FOXP2: variants seen among roughly 807,000 people sequenced by gnomAD.
FOXP2 encodes the protein forkhead box P2.
Under a neutral mutation model 115.8 loss-of-function variants are expected in FOXP2, and 12 were observed. That is an observed-to-expected ratio of 0.10 (90% CI 0.07 to 0.17). FOXP2 has a LOEUF of 0.17. Ranked by LOEUF, FOXP2 falls within the 10% of genes least tolerant of loss-of-function variation. The pLI is 1.00. For synonymous variants in FOXP2, 328 were observed against 297.7 expected (o/e 1.10, Z -1.05); for missense variants, 629 against 843.5 (o/e 0.75, Z 3.15).
intron 2 of FOXP2, among the ~76,000 whole-genome samples, chr7:114,313,767 A>AAAT (rs1797206116): frequency 6.6e-6 from 1 of 151,186 alleles, no homozygotes; most frequent in African/African-American, 2.4e-5. Flanking sequence ...AAAAAACAAA[A>AAAT]ATATTGTCAT....
At chr7:114,232,212 G>A (rs1349939981) in intron 1 of FOXP2, among the ~76,000 whole-genome samples, 1 of 152,024 alleles carries the variant, frequency 6.6e-6, no homozygotes, top group East Asian at 1.9e-4. Flanking sequence ...CAAAACAGAA[G>A]ATAAGTGTTG....
intron 16 of FOXP2, among the ~76,000 whole-genome samples, chr7:114,680,371 C>T (rs1808022034): frequency 1.3e-5 from 2 of 152,076 alleles, no homozygotes; most frequent in Admixed American, 6.6e-5. Context: ...TCATTATTTG[C>T]CAAATGGGTA....
At chr7:114,323,753 C>T (rs1431660567) in intron 2 of FOXP2, among the ~76,000 whole-genome samples, 2 of 151,750 alleles carry the variant, frequency 1.3e-5, no homozygotes, top group Admixed American at 1.3e-4. Context: ...AATTTTCCTC[C>T]CAGGAACAAG....
At chr7:114,616,593 T>C (rs1484239132) in intron 3 of FOXP2, among the ~76,000 whole-genome samples, 1 of 152,194 alleles carries the variant, frequency 6.6e-6, no homozygotes, top group East Asian at 1.9e-4. Context: ...ATTCATACTG[T>C]TATGGGGATT....
chr7:114,667,678 T>C (rs1807243558), intron 16 of FOXP2: 1 of 152,158 alleles, frequency 6.6e-6, no homozygotes, highest in Non-Finnish European at 1.5e-5. Context: ...GGGACCAGAC[T>C]GCTGAGTGAC....
chr7:114,458,735 T>A (rs1231273219), intron 2 of FOXP2, among the ~76,000 whole-genome samples: 1 of 151,996 alleles, frequency 6.6e-6, no homozygotes, highest in Non-Finnish European at 1.5e-5. Flanking sequence ...AAAATTCTGT[T>A]ATTTTTCCAC....
At chr7:114,335,327 G>A (rs766801097) in intron 2 of FOXP2, among the ~76,000 whole-genome samples, 37 of 151,676 alleles carry the variant, frequency 2.4e-4, no homozygotes, top group Non-Finnish European at 4.4e-4. Flanking sequence ...GGGTACTAAA[G>A]TGAATTCATA....
intron 2 of FOXP2, among the ~76,000 whole-genome samples, chr7:114,294,894 A>ACATACATG (rs1554363886): frequency 5.9e-5 from 9 of 151,378 alleles, no homozygotes; most frequent in African/African-American, 2.0e-4. Flanking sequence ...ATACATACAT[A>ACATACATG]CATGCATGCA....
intron 16 of FOXP2, among the ~76,000 whole-genome samples, chr7:114,673,110 T>C (rs527587718): frequency 5.9e-4 from 90 of 152,356 alleles, no homozygotes; most frequent in African/African-American, 2.0e-3. Flanking sequence ...ATACAATTTT[T>C]GGATTAATGA....
At chr7:114,554,482 G>C (rs1250638693) in intron 3 of FOXP2, among the ~76,000 whole-genome samples, 1 of 152,090 alleles carries the variant, frequency 6.6e-6, no homozygotes, top group Non-Finnish European at 1.5e-5. Flanking sequence ...TAGTAACACA[G>C]TTCTAAAATT....
At chr7:114,463,078 G>T (rs1449189310) in intron 2 of FOXP2, 1 of 430,324 alleles carries the variant, frequency 2.3e-6, no homozygotes, top group South Asian at 1.7e-5. Context: ...TCCCAGGCTG[G>T]AGTGCAGTGG....
chr7:114,164,034 T>C (rs1238208850), intron 1 of FOXP2, among the ~76,000 whole-genome samples: 3 of 152,168 alleles, frequency 2.0e-5, no homozygotes, highest in South Asian at 4.1e-4. Flanking sequence ...ATCTCCAAAA[T>C]TGACAAGGTT....
chr7:114,451,374 A>G (rs1325116947), intron 2 of FOXP2, among the ~76,000 whole-genome samples: 3 of 152,088 alleles, frequency 2.0e-5, no homozygotes, highest in Non-Finnish European at 2.9e-5. Flanking sequence ...ACCTTGGGCT[A>G]GTAACTTATC....
chr7:114,458,239 A>AAGT (rs1795405148), intron 2 of FOXP2, among the ~76,000 whole-genome samples: 1 of 152,184 alleles, frequency 6.6e-6, no homozygotes, highest in Non-Finnish European at 1.5e-5. Context: ...GTTATTAAAT[A>AAGT]GGTATAGTTA....
chr7:114,667,616 T>A (rs1189024030), intron 16 of FOXP2: 1 of 152,070 alleles, frequency 6.6e-6, no homozygotes, highest in Non-Finnish European at 1.5e-5. Context: ...GTATTAGTTT[T>A]GAAAGGAATT....
intron 3 of FOXP2, among the ~76,000 whole-genome samples, chr7:114,614,093 G>C (rs1199531386): frequency 6.6e-6 from 1 of 152,162 alleles, no homozygotes; most frequent in Non-Finnish European, 1.5e-5. Context: ...GTTTTTAGAA[G>C]TAGAATTCCT....
chr7:114,479,642 T>G (rs1410505524), intron 2 of FOXP2, among the ~76,000 whole-genome samples: 1 of 151,552 alleles, frequency 6.6e-6, no homozygotes, highest in Non-Finnish European at 1.5e-5. Context: ...AGAGAAACTC[T>G]TTGAAAGTGT....
At chr7:114,122,978 G>T (rs759429799) in intron 1 of FOXP2, among the ~76,000 whole-genome samples, 43 of 151,804 alleles carry the variant, frequency 2.8e-4, no homozygotes, top group Non-Finnish European at 3.8e-4. Flanking sequence ...TGCAGCTGAC[G>T]ATTGGTATTG....
At chr7:114,476,817 C>T (rs1240070410) in intron 2 of FOXP2, among the ~76,000 whole-genome samples, 2 of 151,904 alleles carry the variant, frequency 1.3e-5, no homozygotes, top group African/African-American at 2.4e-5. Flanking sequence ...TTGTAGTTCT[C>T]CTTGTACAGA....
Sources: allele counts gnomAD v4.1 joint callset (sites outside exome capture counted in the v4.1 genomes callset), GRCh38; gene constraint gnomAD v4.1.1; transcripts MANE v1.5; gene names NCBI Gene and HGNC (gene_info 2026-07-23, HGNC 2026-07-21).